The following NKAIN2 variants were observed in gnomAD, a reference collection of about 807,000 sequenced individuals.
NKAIN2 encodes the protein sodium/potassium-transporting ATPase subunit beta-1-interacting protein 2.
NKAIN2 carries 14 observed loss-of-function variants against 32.6 expected under a neutral mutation model. The observed-to-expected ratio is 0.43, with a 90% CI of 0.28 to 0.67. The LOEUF (loss-of-function observed/expected upper bound fraction) is 0.67. Ranked by LOEUF, NKAIN2 falls within the 30% of genes least tolerant of loss-of-function variation. NKAIN2 has a pLI of 0.17. For synonymous variants in NKAIN2, 80 were observed against 87.2 expected (o/e 0.92, Z 0.46); for missense variants, 198 against 258.3 (o/e 0.77, Z 1.60).
rs1016542127 is a variant in NKAIN2, at chr6:123,970,321, A to G, written c.54+166067A>G. Among the ~76,000 whole-genome samples the G allele has an allele frequency of 2.6e-5, 4 of 152,304 alleles. No homozygotes were observed. The South Asian group carries it at 6.2e-4, about 24-fold the overall frequency. ...TGAGAGTTTGGTGAGAAAAACAACT[A>G]GAAGAAATAGTAAGAGTTTAAATTT... On this transcript the variant is annotated intron_variant, in intron 1 of 6. Transcript: ENST00000368417.
intron 1 of NKAIN2, among the ~76,000 whole-genome samples, chr6:124,061,783 A>C (rs553070398): frequency 2.6e-4 from 39 of 152,026 alleles, no homozygotes; most frequent in Non-Finnish European, 5.3e-4. Flanking sequence ...CCACAAATAC[A>C]CATCAAAAAT....
At chr6:124,087,623 T>C (rs992782827) in intron 1 of NKAIN2, among the ~76,000 whole-genome samples, 2 of 152,130 alleles carry the variant, frequency 1.3e-5, no homozygotes, top group Admixed American at 1.3e-4. Flanking sequence ...TATCTGTGGC[T>C]ATTGGGAACT....
At chr6:124,529,032 G>C (rs1779422477) in intron 3 of NKAIN2, among the ~76,000 whole-genome samples, 1 of 152,186 alleles carries the variant, frequency 6.6e-6, no homozygotes, top group African/African-American at 2.4e-5. Flanking sequence ...CATGTGGCTT[G>C]AGGCATGTTT....
intron 3 of NKAIN2, among the ~76,000 whole-genome samples, chr6:124,380,497 C>T (rs1772586632): frequency 6.6e-6 from 1 of 152,120 alleles, no homozygotes; most frequent in South Asian, 2.1e-4. Context: ...CAGGATCTGT[C>T]TCCTTCAACT....
intron 1 of NKAIN2, among the ~76,000 whole-genome samples, chr6:124,275,993 G>A (rs1356540938): frequency 6.6e-6 from 1 of 152,018 alleles, no homozygotes; most frequent in Non-Finnish European, 1.5e-5. Flanking sequence ...GCCGCCTGTA[G>A]TCACATAGTG....
chr6:123,813,373 C>G (rs553122860), intron 1 of NKAIN2, among the ~76,000 whole-genome samples: 2 of 152,230 alleles, frequency 1.3e-5, no homozygotes, highest in South Asian at 4.2e-4. Context: ...TATAAGCTAG[C>G]GATCAGGTAC....
At chr6:124,496,070 A>G (rs535163724) in intron 3 of NKAIN2, among the ~76,000 whole-genome samples, 91 of 152,224 alleles carry the variant, frequency 6.0e-4, no homozygotes, top group Non-Finnish European at 9.4e-4. Flanking sequence ...CTTTTTTCCA[A>G]TGTTCTCTGA....
intron 1 of NKAIN2, among the ~76,000 whole-genome samples, chr6:124,039,186 A>G (rs1367412418): frequency 2.0e-5 from 3 of 152,086 alleles, no homozygotes; most frequent in Admixed American, 6.6e-5. Flanking sequence ...TTTAAAAATA[A>G]GAAGAAGAAA....
intron 3 of NKAIN2, among the ~76,000 whole-genome samples, chr6:124,567,270 A>G (rs638334): frequency 0.93 from 141,876 of 152,246 alleles, 66,488 homozygotes; most frequent in East Asian, 1. Flanking sequence ...AGGACGCATG[A>G]CTATTATTCT....
At chr6:123,823,725 G>A (rs1253600195) in intron 1 of NKAIN2, among the ~76,000 whole-genome samples, 1 of 152,068 alleles carries the variant, frequency 6.6e-6, no homozygotes, top group Non-Finnish European at 1.5e-5. Flanking sequence ...AGTAATTTGA[G>A]TAGTTGGAGA....
At chr6:123,939,663 A>C (rs929568807) in intron 1 of NKAIN2, among the ~76,000 whole-genome samples, 3 of 151,998 alleles carry the variant, frequency 2.0e-5, no homozygotes, top group African/African-American at 7.2e-5. Flanking sequence ...GTGATTGACA[A>C]AACTGATTTT....
At chr6:124,250,530 G>A (rs1237328362) in intron 1 of NKAIN2, among the ~76,000 whole-genome samples, 1 of 151,836 alleles carries the variant, frequency 6.6e-6, no homozygotes, top group Non-Finnish European at 1.5e-5. Context: ...AAAACAATAA[G>A]ACCGTAAAAT....
At chr6:124,641,647 GCTAAAGCGATTCTC>G (rs1297956093) in intron 3 of NKAIN2, among the ~76,000 whole-genome samples, 2 of 144,376 alleles carry the variant, frequency 1.4e-5, no homozygotes, top group African/African-American at 5.1e-5. Flanking sequence ...CGCCTCCTGG[GCTAAAGCGATTCTC>G]CTGCTTCAGC....
chr6:124,506,089 G>C (rs535839798), intron 3 of NKAIN2, among the ~76,000 whole-genome samples: 1 of 152,104 alleles, frequency 6.6e-6, no homozygotes, highest in East Asian at 1.9e-4. Flanking sequence ...GCTGAGGCAG[G>C]AGAATGGCGT....
intron 1 of NKAIN2, among the ~76,000 whole-genome samples, chr6:124,268,183 C>T (rs1794591246): frequency 1.3e-5 from 2 of 152,282 alleles, no homozygotes; most frequent in Non-Finnish European, 2.9e-5. Flanking sequence ...CACATGCAAG[C>T]ACAACTTACT....
At chr6:124,764,298 G>A (rs1284095952) in intron 4 of NKAIN2, among the ~76,000 whole-genome samples, 1 of 152,004 alleles carries the variant, frequency 6.6e-6, no homozygotes, top group Non-Finnish European at 1.5e-5. Context: ...GTTTTTTAAT[G>A]CTTATCACTA....
At chr6:124,703,452 T>G (rs906781251) in intron 4 of NKAIN2, among the ~76,000 whole-genome samples, 35 of 152,088 alleles carry the variant, frequency 2.3e-4, no homozygotes, top group Admixed American at 7.2e-4. Flanking sequence ...ATATTTAGTT[T>G]GGCTATTTAA....
chr6:124,221,653 G>T (rs1791833955), intron 1 of NKAIN2, among the ~76,000 whole-genome samples: 1 of 152,056 alleles, frequency 6.6e-6, no homozygotes, highest in African/African-American at 2.4e-5. Flanking sequence ...AGAATAAAGG[G>T]CCAGAAATGA....
chr6:124,575,971 T>G (rs2114928753), intron 3 of NKAIN2, among the ~76,000 whole-genome samples: 2 of 152,306 alleles, frequency 1.3e-5, no homozygotes, highest in Middle Eastern at 3.4e-3. Context: ...GTTGACACCT[T>G]AACACAAATC....
Sources: gnomAD v4.1 joint callset for allele counts (sites outside exome capture counted in the v4.1 genomes callset) on GRCh38, gnomAD v4.1.1 for gene constraint, MANE v1.5 for transcripts, NCBI Gene and HGNC (gene_info 2026-07-23, HGNC 2026-07-21) for gene names.